Variants in GTF3C1 observed in about 807,000 individuals in gnomAD.
GTF3C1 encodes the protein general transcription factor 3C polypeptide 1.
In GTF3C1, 57 loss-of-function variants were observed where a neutral mutation model predicts 226.7. The observed-to-expected ratio is 0.25, with a 90% CI of 0.20 to 0.31. GTF3C1 has a LOEUF of 0.31. Ranked by LOEUF, GTF3C1 falls within the 10% of genes least tolerant of loss-of-function variation. The pLI is 1.00. For missense variants in GTF3C1, 2,217 were observed against 2,776.1 expected, an observed-to-expected ratio of 0.80 and a Z score of 4.53; for synonymous variants, 1,090 against 1,084.8, an observed-to-expected ratio of 1.00 and a Z score of -0.09.
At chr16:27,533,230 A>G (rs1033971380) in intron 5 of GTF3C1, 61 bp downstream of exon 5, 5 of 798,606 alleles carry the variant, frequency 6.3e-6, no homozygotes, top group Non-Finnish European at 1.1e-5. Context: ...ATGCCTGACA[A>G]GACCTCCCGG....
intron 4 of GTF3C1, 117 bp from the exon 5 acceptor site, chr16:27,533,504 C>T (rs1444692611): frequency 1.6e-6 from 1 of 643,150 alleles, no homozygotes; most frequent in Non-Finnish European, 2.8e-6. Context: ...CAATAAATAA[C>T]AGAATCTTTT....
At position 27,507,283 on chromosome 16, in the gene GTF3C1, C is replaced by G. The variant is rs2088500776; in HGVS notation, c.1243-127G>C. The G allele has an allele frequency of 1.4e-6, 1 of 703,884 alleles. No homozygotes were observed. The allele number at this position is 703,884 out of a possible 1,614,324, so 43.6% of individuals were successfully genotyped here. A position where few individuals can be genotyped will look rare whatever the true frequency, so the allele number is the denominator to read the frequency against. Reference sequence around the variant, plus strand: ...TTTCTCCTGTCTTACTGCCTGGGCCCTGGGTTGGGCACCACTGATGCTCCC... The same window carrying G: ...TTTCTCCTGTCTTACTGCCTGGGCCGTGGGTTGGGCACCACTGATGCTCCC... On this transcript the variant is annotated intron_variant, in intron 8 of 36. Coordinates refer to ENST00000356183, the MANE Select transcript of GTF3C1 (RefSeq NM_001520.4). The surrounding 1 kb of genome is among the most constrained non-coding windows in gnomAD (Gnocchi z 4.9).
At position 27,492,271 on chromosome 16, in the gene GTF3C1, TA is replaced by T; in HGVS notation, c.3151+66del. 1.0e-6 allele frequency: 1 copy of T among 956,134 alleles called. No individual in the cohort carries two copies. The highest frequency in any genetic ancestry group is 3.4e-4 in the Middle Eastern group (1 of 2,950). The allele number at this position is 956,134 out of a possible 1,614,324, so 59.2% of individuals were successfully genotyped here. A position where few individuals can be genotyped will look rare whatever the true frequency, so the allele number is the denominator to read the frequency against. ...GGCAACTCCTAGGCTTTTCTAGCCCTAAATCCCAGTTAGCACACAGAAAGGA... is the reference window on the plus strand; with the variant it reads ...GGCAACTCCTAGGCTTTTCTAGCCCTAATCCCAGTTAGCACACAGAAAGGA... On this transcript the variant is annotated intron_variant, in intron 19 of 36. Coordinates refer to ENST00000356183, the MANE Select transcript of GTF3C1 (RefSeq NM_001520.4). This position sits in a 1 kb window ranked among gnomAD's most constrained non-coding sequence, Gnocchi z 5.0.
Position 27,506,951 on chromosome 16 carries a change from T to C in GTF3C1, c.1448A>G (p.Glu483Gly). 6.2e-7 allele frequency: 1 copy of C among 1,613,654 alleles called. No homozygotes were observed. The highest frequency in any genetic ancestry group is 8.5e-7 in the Non-Finnish European group (1 of 1,179,728). The change falls in exon 9 of 37, where the codon GAG (glutamate) becomes GGG (glycine). Residue 483 changes from glutamate (E) to glycine (G), a missense_variant. Physicochemically the swap from Glu to Gly is moderately conservative, Grantham distance 98. Transcript: ENST00000356183. ...GCCTCTCCGCTTGCTGCTGCTCCTC[T>C]CCTCCTCACTGTCCGACTCAGAGAG... ...TFLSESDSEE[E>G]RSSSKRRGRG...
At chr16:27,486,622 G>T (rs1241480456) in intron 23 of GTF3C1, among the ~76,000 whole-genome samples, 1 of 152,094 alleles carries the variant, frequency 6.6e-6, no homozygotes, top group Admixed American at 6.5e-5. Context: ...GGACAATAAG[G>T]CCTCTGCTCC....
At chr16:27,543,845 C>G (rs529621520) in intron 2 of GTF3C1, among the ~76,000 whole-genome samples, 1 of 152,264 alleles carries the variant, frequency 6.6e-6, no homozygotes, top group East Asian at 1.9e-4. Flanking sequence ...AGGGTCCTAA[C>G]AGTGTTCATG....
At chr16:27,467,205 G>C (rs1175949427) in intron 32 of GTF3C1, among the ~76,000 whole-genome samples, 1 of 152,244 alleles carries the variant, frequency 6.6e-6, no homozygotes, top group Non-Finnish European at 1.5e-5. Context: ...ACTCTCGATA[G>C]GAAGTAATGC....
chr16:27,508,784 C>T lies in GTF3C1; in HGVS notation c.1127-129G>A, dbSNP rs1016973454. The T allele has an allele frequency of 1.1e-5, 7 of 666,280 alleles. No homozygotes were observed. The African/African-American group carries it at 1.1e-4, about 10-fold the overall frequency. 41.3% of individuals were successfully genotyped at this position (666,280 alleles called of 1,614,324 possible). On this transcript the variant is annotated intron_variant, in intron 7 of 36. Transcript: ENST00000356183. ...TTAACAGACAGAACAAAACATACGC[C>T]ATTTCTCTCCCTTATCCTCCCAAGC...
Position 27,463,450 on chromosome 16 carries a change from A to G in GTF3C1, c.5924+91T>C. 1 of 772,822 alleles carries G rather than the reference A, an allele frequency of 1.3e-6. No homozygotes were observed. The highest frequency in any genetic ancestry group is 2.3e-6 in the Non-Finnish European group (1 of 438,258). The allele number at this position is 772,822 out of a possible 1,614,324, so 47.9% of individuals were successfully genotyped here. On this transcript the variant is annotated intron_variant, in intron 35 of 36. Transcript: ENST00000356183. The surrounding 1 kb of genome is among the most constrained non-coding windows in gnomAD (Gnocchi z 4.9). ...AGGCTGTCAGAGCTGGTACCTGGGG[A>G]AAGACCCTCAAAGACCCTCACACAA...
chr16:27,493,152 G>A (rs1196420873), intron 17 of GTF3C1, 47 bp downstream of exon 17: 4 of 974,272 alleles, frequency 4.1e-6, no homozygotes, highest in Non-Finnish European at 6.7e-6. Context: ...TGACTTAAGG[G>A]TTTGTTTGGA....
At chr16:27,520,473 C>A (rs1202600708) in intron 6 of GTF3C1, among the ~76,000 whole-genome samples, 1 of 151,986 alleles carries the variant, frequency 6.6e-6, no homozygotes, top group Non-Finnish European at 1.5e-5. Flanking sequence ...CCAAGACTGA[C>A]CACAAAATGG....
At chr16:27,477,026 G>A (rs1371638397) in intron 28 of GTF3C1, among the ~76,000 whole-genome samples, 1 of 152,194 alleles carries the variant, frequency 6.6e-6, no homozygotes. Flanking sequence ...TTCAAGGCTA[G>A]GGGGTCAGGA....
At chr16:27,529,637 T>G (rs2088885466) in intron 5 of GTF3C1, among the ~76,000 whole-genome samples, 1 of 152,192 alleles carries the variant, frequency 6.6e-6, no homozygotes, top group South Asian at 2.1e-4. Context: ...TACAATGTTT[T>G]TCTTCAAGAA....
chr16:27,463,756 G>C lies in GTF3C1; in HGVS notation c.5873-164C>G, dbSNP rs1480242611. The C allele has an allele frequency of 1.5e-6, 1 of 662,148 alleles. No individual in the cohort carries two copies. The highest frequency in any genetic ancestry group is 2.7e-6 in the Non-Finnish European group (1 of 370,096). 41.0% of individuals were successfully genotyped at this position (662,148 alleles called of 1,614,324 possible). On this transcript the variant is annotated intron_variant, in intron 34 of 36. Transcript: ENST00000356183. This position sits in a 1 kb window ranked among gnomAD's most constrained non-coding sequence, Gnocchi z 4.9. ...GAGCATCTCACAGAGCGGCCACCCT[G>C]GAGGTGGCAGGGCCGGGCAGACTGC... is the stretch of plus-strand genomic sequence containing the variant.
At chr16:27,493,060 T>C in intron 17 of GTF3C1, 139 bp downstream of exon 17, 2 of 610,124 alleles carry the variant, frequency 3.3e-6, no homozygotes, top group Non-Finnish European at 3.0e-6. Context: ...TTAATATTAA[T>C]AACTTAATAA....
chr16:27,492,595 G>T lies in GTF3C1; in HGVS notation c.2973+22C>A. ...CCGTTTAACAATCAGAATTTCCTTC[G>T]TTTGGGCTTGAGGGACATTACCTGA... On this transcript the variant is annotated intron_variant, in intron 18 of 36. Coordinates refer to ENST00000356183, the MANE Select transcript of GTF3C1 (RefSeq NM_001520.4). This position sits in a 1 kb window ranked among gnomAD's most constrained non-coding sequence, Gnocchi z 5.0. 1.9e-6 allele frequency: 3 copies of T among 1,558,126 alleles called. No homozygotes were observed. The highest frequency in any genetic ancestry group is 2.7e-6 in the Non-Finnish European group (3 of 1,128,952).
At position 27,506,896 on chromosome 16, in the gene GTF3C1, AGAGGCT is replaced by A; in HGVS notation, c.1497_1502del (p.Arg499_Ala500del). 6.2e-7 allele frequency: 1 copy of A among 1,613,588 alleles called. No homozygotes were observed. Reference sequence around the variant, plus strand: ...GCTGGGTCTTGGGCCGGAGGTTTGCAGAGGCTCTTGTGTCTTTCTGGGACCCTCTGC... The same window carrying A: ...GCTGGGTCTTGGGCCGGAGGTTTGCACTTGTGTCTTTCTGGGACCCTCTGC... On this transcript the variant is annotated inframe_deletion, in exon 9 of 37. Coordinates refer to ENST00000356183, the MANE Select transcript of GTF3C1 (RefSeq NM_001520.4).
chr16:27,547,946 C>T (rs2089187861), intron 1 of GTF3C1, among the ~76,000 whole-genome samples: 1 of 152,040 alleles, frequency 6.6e-6, no homozygotes, highest in Admixed American at 6.6e-5. Context: ...GATTCCAGTC[C>T]AATTTGGCTG....
At chr16:27,499,812 G>A (rs906316391) in intron 12 of GTF3C1, among the ~76,000 whole-genome samples, 2 of 152,330 alleles carry the variant, frequency 1.3e-5, no homozygotes, top group Admixed American at 6.5e-5. Context: ...TGACACAGAC[G>A]CACCAGCTCC....
Sources: gnomAD v4.1 joint callset for allele counts (sites outside exome capture counted in the v4.1 genomes callset) on GRCh38, gnomAD v4.1.1 for gene constraint, Gnocchi (gnomAD v3.1) non-coding constraint, MANE v1.5 for transcripts, NCBI Gene and HGNC (gene_info 2026-07-23, HGNC 2026-07-21) for gene names.